KHDC1: variants seen among roughly 807,000 people sequenced by gnomAD.
KHDC1 encodes KH domain containing 1.
Under a neutral mutation model 24.7 loss-of-function variants are expected in KHDC1, and 21 were observed. The observed-to-expected ratio is 0.85, with a 90% CI of 0.60 to 1.23. KHDC1 has a LOEUF of 1.23. KHDC1 is among the 50% of genes most tolerant of loss of function. The pLI, the probability that KHDC1 is intolerant of heterozygous loss-of-function variation, is 0.00. For missense variants in KHDC1, 274 were observed against 298.5 expected, an observed-to-expected ratio of 0.92 and a Z score of 0.61; for synonymous variants, 98 against 111.7, an observed-to-expected ratio of 0.88 and a Z score of 0.77.
intron 2 of KHDC1, among the ~76,000 whole-genome samples, chr6:73,261,822 G>A (rs1766985529): frequency 6.6e-6 from 1 of 150,988 alleles, no homozygotes; most frequent in South Asian, 2.1e-4. Context: ...TGAGGCAGGA[G>A]AATCACTTGA....
At chr6:73,259,259 T>TCTG (rs928851124) in intron 2 of KHDC1, among the ~76,000 whole-genome samples, 1 of 150,794 alleles carries the variant, frequency 6.6e-6, no homozygotes, top group Non-Finnish European at 1.5e-5. Flanking sequence ...TGGAAGGCTT[T>TCTG]CTGCTGACAA....
At chr6:73,249,808 G>C (rs1766746490) in intron 2 of KHDC1, among the ~76,000 whole-genome samples, 1 of 152,038 alleles carries the variant, frequency 6.6e-6, no homozygotes. Flanking sequence ...AGAGAGTAGT[G>C]TCGTGATCAT....
intron 1 of KHDC1, chr6:73,300,610 C>G (rs1767856070): frequency 6.6e-6 from 1 of 152,188 alleles, no homozygotes; most frequent in South Asian, 2.1e-4. Context: ...AACTGCTTGG[C>G]ACATACAATG....
chr6:73,281,336 CA>C (rs538844143), intron 2 of KHDC1, among the ~76,000 whole-genome samples: 35 of 133,632 alleles, frequency 2.6e-4, no homozygotes, highest in Admixed American at 5.3e-4. Context: ...GAGACTCTCT[CA>C]AAAAAAAAAA....
intron 2 of KHDC1, among the ~76,000 whole-genome samples, chr6:73,264,867 T>C (rs1291068224): frequency 6.6e-6 from 1 of 152,214 alleles, no homozygotes; most frequent in East Asian, 1.9e-4. Flanking sequence ...ACCTGGACTC[T>C]TGAGTGAGCA....
chr6:73,309,026 T>C (rs1419851376), intron 1 of KHDC1, among the ~76,000 whole-genome samples: 3 of 152,158 alleles, frequency 2.0e-5, no homozygotes, highest in African/African-American at 4.8e-5. Flanking sequence ...GGTTTCACCA[T>C]GTTGGCCAGG....
In KHDC1 at chr6:73,245,929, A is replaced by T. The variant is rs189118875; in HGVS notation, c.207-3399T>A. Among the ~76,000 whole-genome samples, 10 of 152,336 alleles carry T rather than the reference A, an allele frequency of 6.6e-5. No individual in the cohort carries two copies. In the East Asian group the frequency reaches 1.9e-3, roughly 29 times the overall value. ...GTATTTACAAACCATCAGTATGGCA[A>T]CTGCTTTGGTTAATGCTACTTGTTT... On this transcript the variant is annotated intron_variant, in intron 2 of 4. Transcript: ENST00000370384.
At chr6:73,310,233 GC>G (rs1562263380), upstream of KHDC1, 1 of 159,014 alleles carries the variant, frequency 6.3e-6, no homozygotes, top group Admixed American at 6.5e-5. Context: ...CCTCTGACCG[GC>G]ACCCGAAGGT....
chr6:73,245,999 T>C (rs1303249902), intron 2 of KHDC1, among the ~76,000 whole-genome samples: 1 of 152,220 alleles, frequency 6.6e-6, no homozygotes. Context: ...GTTATTGGAC[T>C]TTGAATGAAT....
exon 4 of KHDC1, chr6:73,242,136 C>A (rs754762273): frequency 6.2e-7 from 1 of 1,614,192 alleles, no homozygotes; most frequent in Non-Finnish European, 8.5e-7. Context: ...TGTGGTCCGA[C>A]TACAGTCACA....
chr6:73,308,555 G>T (rs1459046084), intron 1 of KHDC1, among the ~76,000 whole-genome samples: 2 of 151,084 alleles, frequency 1.3e-5, no homozygotes, highest in East Asian at 3.9e-4. Flanking sequence ...GATTGCCCAG[G>T]CTGGAGTGCA....
At chr6:73,284,689 C>G (rs1767486915) in intron 2 of KHDC1, 1 of 152,142 alleles carries the variant, frequency 6.6e-6, no homozygotes, top group African/African-American at 2.4e-5. Flanking sequence ...ATGATTACAA[C>G]ATTGCTGGAT....
At chr6:73,245,141 T>C (rs1766642909) in intron 2 of KHDC1, among the ~76,000 whole-genome samples, 1 of 152,178 alleles carries the variant, frequency 6.6e-6, no homozygotes, top group Non-Finnish European at 1.5e-5. Flanking sequence ...AGGGCAAAGA[T>C]ACCAGAACAT....
At chr6:73,282,258 C>T (rs1341603340) in intron 2 of KHDC1, among the ~76,000 whole-genome samples, 1 of 150,126 alleles carries the variant, frequency 6.7e-6, no homozygotes, top group Non-Finnish European at 1.5e-5. Context: ...TGGAGTTTGT[C>T]TGAAGTCTCA....
intron 2 of KHDC1, chr6:73,274,752 T>A (rs547022239): frequency 6.6e-6 from 1 of 152,232 alleles, no homozygotes; most frequent in Non-Finnish European, 1.5e-5. Flanking sequence ...TGTAGCAGCA[T>A]AACAGACTAA....
At chr6:73,258,030 C>A (rs534552020) in intron 2 of KHDC1, among the ~76,000 whole-genome samples, 4 of 152,096 alleles carry the variant, frequency 2.6e-5, no homozygotes, top group Admixed American at 2.0e-4. Context: ...CCAAGGTGGG[C>A]GGATCACTTG....
At chr6:73,264,201 G>A (rs1470667044) in intron 2 of KHDC1, among the ~76,000 whole-genome samples, 1 of 152,110 alleles carries the variant, frequency 6.6e-6, no homozygotes, top group Non-Finnish European at 1.5e-5. Context: ...CCTGTCTGAG[G>A]TCAACTCTGC....
exon 4 of KHDC1, chr6:73,242,205 C>T: frequency 6.2e-7 from 1 of 1,613,882 alleles, no homozygotes; most frequent in Non-Finnish European, 8.5e-7. Context: ...TGGCTGTGCA[C>T]CTCAATGCAG....
chr6:73,282,710 C>G (rs1264410798), intron 2 of KHDC1, among the ~76,000 whole-genome samples: 1 of 152,152 alleles, frequency 6.6e-6, no homozygotes, highest in African/African-American at 2.4e-5. Context: ...CCACCCAGAT[C>G]GATAAACTGG....
Sources: gnomAD v4.1 joint callset for allele counts (sites outside exome capture counted in the v4.1 genomes callset) on GRCh38, gnomAD v4.1.1 for gene constraint, MANE v1.5 for transcripts, NCBI Gene and HGNC (gene_info 2026-07-23, HGNC 2026-07-21) for gene names.